The following CDH1 variants were observed in gnomAD, a reference collection of about 807,000 sequenced individuals.
CDH1 encodes cadherin 1.
CDH1 carries 35 observed loss-of-function variants against 84.5 expected under a neutral mutation model. The observed-to-expected ratio is 0.41, with a 90% confidence interval of 0.32 to 0.55. The LOEUF is 0.55. Among genes scored for constraint, CDH1 ranks in the 20% least tolerant of loss-of-function variants. CDH1 has a pLI of 0.19. For missense variants in CDH1, 994 were observed against 1,126.6 expected, an observed-to-expected ratio of 0.88 and a Z score of 1.68; for synonymous variants, 417 against 439.0, an observed-to-expected ratio of 0.95 and a Z score of 0.63.
intron 2 of CDH1, among the ~76,000 whole-genome samples, chr16:68,773,156 G>A (rs563600543): frequency 6.6e-6 from 1 of 152,288 alleles, no homozygotes; most frequent in East Asian, 1.9e-4. Context: ...TGTGAACTGA[G>A]GCAGCTGGAG....
intron 2 of CDH1, among the ~76,000 whole-genome samples, chr16:68,739,703 C>G (rs1962508029): frequency 6.7e-6 from 1 of 148,234 alleles, no homozygotes; most frequent in African/African-American, 2.5e-5. Flanking sequence ...CCACCTCTGG[C>G]TCCCAGGTTC....
At chr16:68,759,781 A>G (rs958247290) in intron 2 of CDH1, among the ~76,000 whole-genome samples, 2 of 152,174 alleles carry the variant, frequency 1.3e-5, no homozygotes, top group African/African-American at 4.8e-5. Flanking sequence ...GGCGTGAGCC[A>G]CCACGCCGGG....
chr16:68,803,291 G>T (rs890616808), intron 3 of CDH1, among the ~76,000 whole-genome samples: 1 of 152,100 alleles, frequency 6.6e-6, no homozygotes, highest in African/African-American at 2.4e-5. Flanking sequence ...TATTAACTTA[G>T]CTCCTTGACT....
chr16:68,738,397 G>A lies in CDH1; in HGVS notation c.149G>A (p.Arg50His), dbSNP rs2152114475. ...CCCCGGCGCCACCTGGAGAGAGGCC[G>A]CGTCCTGGGCAGAGGTGAGGGCGCG... ...TVPRRHLERG[R>H]VLGRVNFEDC... is the part of the protein sequence containing the mutation. Residue 50 changes from arginine to histidine, a missense_variant, in exon 2 of 16, where the codon CGC (arginine) becomes CAC (histidine). Around this residue, in one of 3 missense-constraint regions of CDH1, gnomAD observed 203 missense variants for 194.0 expected, o/e 1.05. Coordinates refer to ENST00000261769, the MANE Select transcript of CDH1 (RefSeq NM_004360.5). The A allele has an allele frequency of 1.3e-6, 2 of 1,549,078 alleles. No individual in the cohort carries two copies. The highest frequency in any genetic ancestry group is 1.7e-6 in the Non-Finnish European group (2 of 1,145,388).
rs758076870 is a variant in CDH1, at chr16:68,819,453, T to A, written c.1711+28T>A. ...AAGGGGGCCTCATCTGAGCCTTTGC[T>A]GCCTCGACCTCCTAGCTAGTTCAGT... On this transcript the variant is annotated intron_variant, in intron 11 of 15. Coordinates refer to ENST00000261769, the MANE Select transcript of CDH1 (RefSeq NM_004360.5). 3 of 1,610,924 alleles carry A rather than the reference T, an allele frequency of 1.9e-6. No individual in the cohort carries two copies. The Admixed American group carries it at 5.0e-5, about 27-fold the overall frequency.
intron 11 of CDH1, among the ~76,000 whole-genome samples, chr16:68,821,798 G>A (rs1412067062): frequency 1.3e-5 from 2 of 152,200 alleles, no homozygotes; most frequent in Non-Finnish European, 2.9e-5. Flanking sequence ...GGAATAAGTT[G>A]TCTGTGTAAA....
intron 2 of CDH1, among the ~76,000 whole-genome samples, chr16:68,766,782 C>A (rs1393857211): frequency 6.6e-6 from 1 of 151,752 alleles, no homozygotes; most frequent in African/African-American, 2.4e-5. Flanking sequence ...GGCTGGAGTG[C>A]GGTGGTGTGA....
chr16:68,778,044 CTTTA>C lies in CDH1; in HGVS notation c.164-23610_164-23607del, dbSNP rs985361309. ...ACCATGCCTGGCCAGAAATTGGACACTTTATTTATTTATTTATTTTTGAGACGGA... is the reference window on the plus strand; with the variant it reads ...ACCATGCCTGGCCAGAAATTGGACACTTTATTTATTTATTTTTGAGACGGA... On this transcript the variant is annotated intron_variant, in intron 2 of 15. Coordinates refer to ENST00000261769, the MANE Select transcript of CDH1 (RefSeq NM_004360.5). 1.7e-4 allele frequency among the ~76,000 whole-genome samples: 24 copies of C among 143,134 alleles called. No individual in the cohort carries two copies. In the South Asian group the frequency reaches 5.0e-3, roughly 30 times the overall value. The allele number at this position is 143,134 out of a possible 152,430, so 93.9% of individuals were successfully genotyped here. A position where few individuals can be genotyped will look rare whatever the true frequency, so the allele number is the denominator to read the frequency against.
chr16:68,831,540 A>T (rs960868678), intron 15 of CDH1, among the ~76,000 whole-genome samples: 1 of 150,494 alleles, frequency 6.6e-6, no homozygotes, highest in African/African-American at 2.5e-5. Context: ...ATTTATTTTT[A>T]TTTTTATTTT....
chr16:68,743,142 G>C (rs1366286731), intron 2 of CDH1, among the ~76,000 whole-genome samples: 2 of 152,106 alleles, frequency 1.3e-5, no homozygotes, highest in Non-Finnish European at 2.9e-5. Flanking sequence ...CTTCCAAAAT[G>C]CTCACCTTGT....
intron 2 of CDH1, among the ~76,000 whole-genome samples, chr16:68,787,979 C>T (rs377544749): frequency 6.6e-6 from 1 of 152,062 alleles, no homozygotes; most frequent in South Asian, 2.1e-4. Flanking sequence ...GCATGTGCCA[C>T]CACGCCCCGC....
intron 2 of CDH1, among the ~76,000 whole-genome samples, chr16:68,759,758 A>G (rs1195496610): frequency 2.0e-5 from 3 of 152,106 alleles, no homozygotes; most frequent in Non-Finnish European, 4.4e-5. Flanking sequence ...AAGTGCTAGG[A>G]TTATAGATTA....
At chr16:68,814,008 G>A (rs1295247904) in intron 9 of CDH1, among the ~76,000 whole-genome samples, 6 of 151,932 alleles carry the variant, frequency 3.9e-5, no homozygotes, top group South Asian at 2.1e-4. Context: ...AGGCCAAGGC[G>A]GGCAGATCAC....
At chr16:68,789,978 C>T (rs914619068) in intron 2 of CDH1, among the ~76,000 whole-genome samples, 2 of 152,196 alleles carry the variant, frequency 1.3e-5, no homozygotes, top group African/African-American at 4.8e-5. Flanking sequence ...ATCACTTGAA[C>T]CCGGGAGGCA....
At chr16:68,829,210 T>A (rs1300339320) in intron 14 of CDH1, among the ~76,000 whole-genome samples, 1 of 152,182 alleles carries the variant, frequency 6.6e-6, no homozygotes, top group Admixed American at 6.6e-5. Context: ...CCAGGTCTGT[T>A]CCATGCAAGT....
intron 2 of CDH1, among the ~76,000 whole-genome samples, chr16:68,758,106 A>C (rs1019472940): frequency 1.4e-5 from 2 of 148,068 alleles, no homozygotes; most frequent in Non-Finnish European, 3.0e-5. Flanking sequence ...GAGTTGCTGC[A>C]CTGGCCTGCA....
chr16:68,814,276 G>A (rs1960925784), intron 9 of CDH1: 1 of 153,338 alleles, frequency 6.5e-6, no homozygotes, highest in Non-Finnish European at 1.4e-5. Context: ...GGTGGCTCAT[G>A]GTGGCTCATG....
intron 2 of CDH1, among the ~76,000 whole-genome samples, chr16:68,764,202 T>C (rs568569644): frequency 6.6e-6 from 1 of 152,210 alleles, no homozygotes; most frequent in Non-Finnish European, 1.5e-5. Context: ...ATGTGGATCA[T>C]GTCTACATCT....
chr16:68,741,245 G>C lies in CDH1; in HGVS notation c.163+2834G>C, dbSNP rs548987673. On this transcript the variant is annotated intron_variant, in intron 2 of 15. Transcript: ENST00000261769. ...ATATTTGTTTTGGCTTTTTTGGACT[G>C]TGGGGTCTCCTTGTATCAGTCCAAT... Among the ~76,000 whole-genome samples, 8 of 152,238 alleles carry C rather than the reference G, an allele frequency of 5.3e-5. No homozygotes were observed. In the East Asian group the frequency reaches 1.3e-3, roughly 26 times the overall value.
Sources: gnomAD v4.1 joint callset for allele counts (sites outside exome capture counted in the v4.1 genomes callset) on GRCh38, gnomAD v4.1.1 for gene constraint, gnomAD v4.1.1 regional missense constraint, MANE v1.5 for transcripts, NCBI Gene and HGNC (gene_info 2026-07-23, HGNC 2026-07-21) for gene names.